PCDH11X: variants seen among roughly 807,000 people sequenced by gnomAD.
PCDH11X encodes the protein protocadherin 11 X-linked.
A neutral mutation model predicts 53.3 loss-of-function variants in PCDH11X; 18 were observed. The ratio of observed to expected loss-of-function variants is 0.34; its 90% CI spans 0.23 to 0.50. The LOEUF (loss-of-function observed/expected upper bound fraction) is 0.50, where lower values mean the gene tolerates loss of function less well. Among genes scored for constraint, PCDH11X ranks in the 20% least tolerant of loss-of-function variants. PCDH11X has a pLI of 0.98. For missense variants in PCDH11X, 570 were observed against 1,032.4 expected (o/e 0.55, Z 6.14); for synonymous variants, 279 against 393.3 (o/e 0.71, Z 3.44).
intron 4 of PCDH11X, among the ~76,000 whole-genome samples, chrX:91,816,155 A>G (rs1333831494): frequency 1.8e-5 from 2 of 111,144 alleles, no homozygotes; most frequent in Non-Finnish European, 3.8e-5. Flanking sequence ...AATCTCCAAT[A>G]CGCAAAATGC....
chrX:92,350,468 T>C (rs1413999699), intron 8 of PCDH11X, among the ~76,000 whole-genome samples: 3 of 111,300 alleles, frequency 2.7e-5, no homozygotes, highest in Admixed American at 1.9e-4. Context: ...TGGCTTCCTG[T>C]GAGCTAAACT....
intron 10 of PCDH11X, among the ~76,000 whole-genome samples, chrX:92,569,521 A>C (rs770323268): frequency 2.7e-5 from 3 of 110,581 alleles, no homozygotes; most frequent in African/African-American, 6.6e-5. Context: ...CGCAGGTATA[A>C]TCATTGCTAA....
chrX:92,481,332 A>C (rs992610713), intron 10 of PCDH11X, among the ~76,000 whole-genome samples: 3 of 109,772 alleles, frequency 2.7e-5, no homozygotes, highest in African/African-American at 1.0e-4. Context: ...ACACACACAC[A>C]CCGAGGGGAC....
rs999365248 is a variant in PCDH11X, at chrX:91,894,048, C to T, written c.3033+14775C>T. On this transcript the variant is annotated intron_variant, in intron 6 of 10. Coordinates refer to ENST00000682573, the MANE Select transcript of PCDH11X (RefSeq NM_032968.5). ...TGGGGTTTTGTTTTGTTTAGTTTCT[C>T]TTTCATATCTTTCCTAGACAATCTT... is the stretch of plus-strand genomic sequence containing the variant. 2.7e-5 allele frequency among the ~76,000 whole-genome samples: 3 copies of T among 111,802 alleles called. No homozygotes were observed. The Admixed American group carries it at 2.9e-4, about 11-fold the overall frequency.
chrX:92,285,471 G>A (rs953566973), intron 8 of PCDH11X, among the ~76,000 whole-genome samples: 2 of 109,384 alleles, frequency 1.8e-5, no homozygotes, highest in Admixed American at 9.8e-5. Flanking sequence ...CAGGCTGGTC[G>A]CGAACTCCTG....
chrX:92,559,440 TACACACAC>T (rs199701051), intron 10 of PCDH11X, among the ~76,000 whole-genome samples: 9 of 100,465 alleles, frequency 9.0e-5, no homozygotes, highest in Admixed American at 7.7e-4. Context: ...CAAGTATCTT[TACACACAC>T]ACACACACAC....
intron 9 of PCDH11X, among the ~76,000 whole-genome samples, chrX:92,437,823 G>A (rs2072420678): frequency 9.1e-6 from 1 of 109,846 alleles, no homozygotes; most frequent in Non-Finnish European, 1.9e-5. Flanking sequence ...AAAGGACCCT[G>A]CTTTAAGCCC....
At chrX:91,914,951 A>G (rs963305442) in intron 6 of PCDH11X, among the ~76,000 whole-genome samples, 2 of 111,241 alleles carry the variant, frequency 1.8e-5, no homozygotes, top group African/African-American at 6.5e-5. Context: ...TCATCAGGTT[A>G]TCTAAAATCA....
intron 9 of PCDH11X, among the ~76,000 whole-genome samples, chrX:92,399,551 C>G (rs2071336134): frequency 9.0e-6 from 1 of 111,617 alleles, no homozygotes; most frequent in African/African-American, 3.3e-5. Flanking sequence ...TTTTACCATA[C>G]TGGAGTTTGT....
intron 5 of PCDH11X, among the ~76,000 whole-genome samples, chrX:91,866,557 C>G (rs1423866945): frequency 1.8e-5 from 2 of 111,404 alleles, no homozygotes; most frequent in African/African-American, 6.5e-5. Flanking sequence ...TATTCTTCCT[C>G]CCCCAGTGCC....
intron 10 of PCDH11X, among the ~76,000 whole-genome samples, chrX:92,487,975 T>G (rs777632973): frequency 7.7e-4 from 87 of 112,862 alleles, no homozygotes; most frequent in Non-Finnish European, 1.0e-3. Context: ...CGTCTCACTC[T>G]GTTGCCCAGC....
At chrX:92,012,575 A>T in intron 6 of PCDH11X, among the ~76,000 whole-genome samples, 1 of 111,906 alleles carries the variant, frequency 8.9e-6, no homozygotes, top group Non-Finnish European at 1.9e-5. Context: ...AATATATTTG[A>T]ACAGATCTAA....
chrX:92,148,121 T>C (rs1603050761), intron 6 of PCDH11X, among the ~76,000 whole-genome samples: 12 of 13,779 alleles, frequency 8.7e-4, no homozygotes, highest in East Asian at 0.018. Flanking sequence ...TTTCTTTCTT[T>C]CTTTCTTTCT....
intron 10 of PCDH11X, among the ~76,000 whole-genome samples, chrX:92,484,716 T>C (rs1177970599): frequency 9.0e-6 from 1 of 110,519 alleles, no homozygotes; most frequent in East Asian, 2.8e-4. Flanking sequence ...TACAATGGAC[T>C]TTGAGGACTT....
chrX:92,500,227 T>C (rs1051341822), intron 10 of PCDH11X, among the ~76,000 whole-genome samples: 1 of 111,840 alleles, frequency 8.9e-6, no homozygotes, highest in Non-Finnish European at 1.9e-5. Context: ...TAAAAGATCA[T>C]ATTTCAGGGA....
intron 8 of PCDH11X, among the ~76,000 whole-genome samples, chrX:92,372,224 G>A (rs2070640516): frequency 9.1e-6 from 1 of 110,228 alleles, no homozygotes; most frequent in South Asian, 3.8e-4. Flanking sequence ...CTTAGGGGAG[G>A]GAATATGCTA....
intron 8 of PCDH11X, among the ~76,000 whole-genome samples, chrX:92,289,313 TA>T (rs2068445799): frequency 9.0e-6 from 1 of 111,251 alleles, no homozygotes; most frequent in Non-Finnish European, 1.9e-5. Flanking sequence ...AGACGCAATA[TA>T]CAGCACACCG....
At chrX:91,937,265 G>A (rs1489286943) in intron 6 of PCDH11X, among the ~76,000 whole-genome samples, 1 of 110,167 alleles carries the variant, frequency 9.1e-6, no homozygotes, top group Non-Finnish European at 1.9e-5. Context: ...ACAGTTTCGG[G>A]AATCTAGTCG....
At chrX:91,981,554 T>G (rs1445424426) in intron 6 of PCDH11X, among the ~76,000 whole-genome samples, 1 of 111,960 alleles carries the variant, frequency 8.9e-6, no homozygotes, top group Non-Finnish European at 1.9e-5. Context: ...GGTTATTTTC[T>G]GGATCTACCA....
Sources: allele counts gnomAD v4.1 joint callset (sites outside exome capture counted in the v4.1 genomes callset), GRCh38; gene constraint gnomAD v4.1.1; transcripts MANE v1.5; gene names NCBI Gene and HGNC (gene_info 2026-07-23, HGNC 2026-07-21).